The following TAF1L variants were observed in gnomAD, a reference collection of about 807,000 sequenced individuals.
The protein encoded by TAF1L is transcription initiation factor TFIID subunit 1-like.
In TAF1L, 30 loss-of-function variants were observed where a neutral mutation model predicts 128.8. The observed-to-expected ratio is 0.23, with a 90% CI of 0.17 to 0.32. TAF1L has a LOEUF of 0.32. Ranked by LOEUF, TAF1L falls within the 10% of genes least tolerant of loss-of-function variation. TAF1L has a pLI of 1.00. For missense variants in TAF1L, 2,099 were observed against 2,253.7 expected (o/e 0.93, Z 1.39); for synonymous variants, 764 against 790.7 (o/e 0.97, Z 0.57).
rs1822573149 is a variant in TAF1L, at chr9:32,635,522, T to A, written c.58A>T (p.Met20Leu). The A allele has an allele frequency of 6.2e-7, 1 of 1,613,916 alleles. No homozygotes were observed. The highest frequency in any genetic ancestry group is 1.3e-5 in the African/African-American group (1 of 74,838). The change falls in exon 1 of 1, where the codon ATG becomes TTG. Residue 20 changes from methionine to leucine, a missense_variant. Coordinates refer to ENST00000242310, the MANE Select transcript of TAF1L (RefSeq NM_153809.2). Reference protein sequence around the residue: ...RAAATVTAAIMSDSDSEEDSS... With the variant: ...RAAATVTAAILSDSDSEEDSS... ...TCTTCCTCGCTGTCCGAGTCTGACA[T>A]GATGGCGGCAGTGACGGTAGCTGCT... is the stretch of plus-strand genomic sequence containing the variant.
rs1305763889 is a variant in TAF1L, at chr9:32,632,118, T to C, written c.3462A>G (p.Val1154=). The change falls in exon 1 of 1, where the codon GTA becomes GTG. Residue 1154 remains valine, a synonymous_variant. Transcript: ENST00000242310. This position sits in a 1 kb window ranked among gnomAD's most constrained non-coding sequence, Gnocchi z 4.4. ...ERKELRRMLL[V]AGSAASGNNH... is the part of the protein sequence containing the mutation. ...TGTTTCCTGATGCTGCTGAGCCTGC[T>C]ACCAGTAGCATTCGCCGTAGTTCCT... 3.7e-6 allele frequency: 6 copies of C among 1,614,094 alleles called. No homozygotes were observed. The highest frequency in any genetic ancestry group is 5.1e-6 in the Non-Finnish European group (6 of 1,180,040).
Position 32,629,785 on chromosome 9 carries a change from G to T in TAF1L, c.*314C>A. Reference sequence around the variant, plus strand: ...CAATTCTCCTGCTTCAGCCTCCCGAGTATCTGGGGATTACAGGCGTGCACC... The same window carrying T: ...CAATTCTCCTGCTTCAGCCTCCCGATTATCTGGGGATTACAGGCGTGCACC... On this transcript the variant is annotated 3_prime_UTR_variant, in exon 1 of 1. Coordinates refer to ENST00000242310, the MANE Select transcript of TAF1L (RefSeq NM_153809.2). The T allele has an allele frequency of 2.1e-6, 1 of 479,942 alleles. No individual in the cohort carries two copies. The highest frequency in any genetic ancestry group is 3.7e-6 in the Non-Finnish European group (1 of 270,984). The allele number at this position is 479,942 out of a possible 1,614,324, so 29.7% of individuals were successfully genotyped here.
At position 32,634,469 on chromosome 9, in the gene TAF1L, T is replaced by C. The variant is rs17219559; in HGVS notation, c.1111A>G (p.Met371Val). The C allele has an allele frequency of 0.083, 134,051 of 1,614,190 alleles. 6,441 individuals are homozygous for C. Among genetic ancestry groups the C allele is most frequent in the Middle Eastern group, 0.14 (829 of 6,062 alleles). ...CTGCCATCTTCGGAGACACCCAGCA[T>C]ATCATACCACAGTCGGGCAGGCCCA... ...RYGPARLWYD[M>V]LGVSEDGSGF... is the part of the protein sequence containing the mutation. Residue 371 changes from methionine to valine, a missense_variant, in exon 1 of 1, where the codon ATG becomes GTG. This residue lies in a region of TAF1L where 1,213 missense variants were observed against 1,391.4 expected (regional missense o/e 0.87). Coordinates refer to ENST00000242310, the MANE Select transcript of TAF1L (RefSeq NM_153809.2).
chr9:32,635,041 C>A lies in TAF1L; in HGVS notation c.539G>T (p.Ser180Ile). ...GGAGGGCAAGATGATGTCTTCTCCACTTTCAGACACACAGGTAATAGCATC... is the reference window on the plus strand; with the variant it reads ...GGAGGGCAAGATGATGTCTTCTCCAATTTCAGACACACAGGTAATAGCATC... ...DQDAITCVSE[S>I]GEDIILPSII... The change falls in exon 1 of 1, where the codon AGT (serine) becomes ATT (isoleucine). Residue 180 changes from serine (S) to isoleucine (I), a missense_variant. Ser to Ile is a moderately radical substitution (Grantham distance 142). Around this residue, in one of 4 missense-constraint regions of TAF1L, gnomAD observed 473 missense variants for 429.6 expected, o/e 1.10. Transcript: ENST00000242310. 1 of 1,614,156 alleles carries A rather than the reference C, an allele frequency of 6.2e-7. No individual in the cohort carries two copies. Among genetic ancestry groups the A allele is most frequent in the Non-Finnish European group, 8.5e-7 (1 of 1,180,036 alleles).
At position 32,633,582 on chromosome 9, in the gene TAF1L, G is replaced by C; in HGVS notation, c.1998C>G (p.Ala666=). ...CTTGCCTCTCTTGTTCTCTCATCTT[G>C]GCCTTTTTTTTGATGTGCTTTAGCA... The part of the protein sequence containing the change: ...QPLLKHIKKK[A]KMREQERQAS... The change falls in exon 1 of 1, where the codon GCC becomes GCG. Residue 666 remains alanine (A), a synonymous_variant. Transcript: ENST00000242310. 1 of 1,614,096 alleles carries C rather than the reference G, an allele frequency of 6.2e-7. No individual in the cohort carries two copies. Among genetic ancestry groups the C allele is most frequent in the Non-Finnish European group, 8.5e-7 (1 of 1,180,034 alleles).
chr9:32,631,968 G>A lies in TAF1L; in HGVS notation c.3612C>T (p.Val1204=), dbSNP rs45559233. Reference sequence around the variant, plus strand: ...AGGCATCAATGACAGCTGGTTTTCGGACTGTCTCACAGCGAACATACTCTT... The same window carrying A: ...AGGCATCAATGACAGCTGGTTTTCGAACTGTCTCACAGCGAACATACTCTT... ...EGKEYVRCET[V]RKPAVIDAYV... is the part of the protein sequence containing the mutation. Residue 1204 remains valine, a synonymous_variant, in exon 1 of 1, where the codon GTC becomes GTT. Transcript: ENST00000242310. This position sits in a 1 kb window ranked among gnomAD's most constrained non-coding sequence, Gnocchi z 4.1. 0.07 allele frequency: 112,623 copies of A among 1,613,988 alleles called. 4,934 individuals are homozygous for A. Among genetic ancestry groups the A allele is most frequent in the African/African-American group, 0.2 (14,710 of 74,940 alleles).
Position 32,631,009 on chromosome 9 carries a change from A to T in TAF1L, c.4571T>A (p.Val1524Glu). The T allele has an allele frequency of 6.2e-7, 1 of 1,614,218 alleles. No homozygotes were observed. The highest frequency in any genetic ancestry group is 1.1e-5 in the South Asian group (1 of 91,084). Residue 1524 changes from valine (V) to glutamate (E), a missense_variant, in exon 1 of 1, where the codon GTG (valine) becomes GAG (glutamate). Around this residue, in one of 4 missense-constraint regions of TAF1L, gnomAD observed 404 missense variants for 406.5 expected, o/e 0.99. Transcript: ENST00000242310. This position sits in a 1 kb window ranked among gnomAD's most constrained non-coding sequence, Gnocchi z 4.1. ...GTTGTCCAGAATGAAAGAAAATGCCACTTGGTCATCATCATCCAGCAAGGG... is the reference window on the plus strand; with the variant it reads ...GTTGTCCAGAATGAAAGAAAATGCCTCTTGGTCATCATCATCCAGCAAGGG... ...INPLLDDDDQ[V>E]AFSFILDNIV...
At position 32,632,716 on chromosome 9, in the gene TAF1L, C is replaced by T. The variant is rs145015801; in HGVS notation, c.2864G>A (p.Arg955Lys). The change falls in exon 1 of 1, where the codon AGG becomes AAG. Residue 955 changes from arginine (R) to lysine (K), a missense_variant. Around this residue, in one of 4 missense-constraint regions of TAF1L, gnomAD observed 1,213 missense variants for 1,391.4 expected, o/e 0.87. Coordinates refer to ENST00000242310, the MANE Select transcript of TAF1L (RefSeq NM_153809.2). This position sits in a 1 kb window ranked among gnomAD's most constrained non-coding sequence, Gnocchi z 4.4. ...EVHAAPWNTT[R>K]AFIAAMKGKC... ...GCCCTTCATGGCAGCAATGAAGGCC[C>T]TTGTGGTGTTCCAAGGAGCAGCGTG... 7.2e-5 allele frequency: 117 copies of T among 1,614,208 alleles called. No homozygotes were observed. In the Admixed American group the frequency reaches 1.9e-3, roughly 26 times the overall value.
Position 32,635,447 on chromosome 9 carries a change from T to C in TAF1L, c.133A>G (p.Ile45Val). The C allele has an allele frequency of 1.2e-6, 2 of 1,614,144 alleles. No individual in the cohort carries two copies. The highest frequency in any genetic ancestry group is 1.7e-6 in the Non-Finnish European group (2 of 1,180,030). The change falls in exon 1 of 1, where the codon ATC becomes GTC. Residue 45 changes from isoleucine (I) to valine (V), a missense_variant. Physicochemically the swap from Ile to Val is conservative, Grantham distance 29 (BLOSUM62 3). Around this residue, in one of 4 missense-constraint regions of TAF1L, gnomAD observed 473 missense variants for 429.6 expected, o/e 1.10. Transcript: ENST00000242310. ...CCCTCCAGCTGCCCCGCTCCACTGA[T>C]GTTGCCGAAAAGGATACCCGCTAAA... is the stretch of plus-strand genomic sequence containing the variant. The part of the protein sequence containing the change: ...FTLAGILFGN[I>V]SGAGQLEGES...
rs752581014 is a variant in TAF1L at position 32,633,442 on chromosome 9, A to G, written c.2138T>C (p.Val713Ala). The G allele has an allele frequency of 6.2e-7, 1 of 1,614,192 alleles. No individual in the cohort carries two copies. The highest frequency in any genetic ancestry group is 8.5e-7 in the Non-Finnish European group (1 of 1,180,036). Residue 713 changes from valine (V) to alanine (A), a missense_variant, in exon 1 of 1, where the codon GTT (valine) becomes GCT (alanine). Around this residue, in one of 4 missense-constraint regions of TAF1L, gnomAD observed 1,213 missense variants for 1,391.4 expected, o/e 0.87. Coordinates refer to ENST00000242310, the MANE Select transcript of TAF1L (RefSeq NM_153809.2). ...SEENGPLMMQ[V>A]GMATKIKNYY... Reference sequence around the variant, plus strand: ...GTTCTTTATCTTGGTTGCCATGCCAACCTGCATCATTAAGGGTCCATTTTC... The same window carrying G: ...GTTCTTTATCTTGGTTGCCATGCCAGCCTGCATCATTAAGGGTCCATTTTC...
In TAF1L at chr9:32,635,013, G is replaced by A. The variant is rs762204455; in HGVS notation, c.567C>T (p.Ile189=). The change falls in exon 1 of 1, where the codon ATC becomes ATT. Residue 189 remains isoleucine, a synonymous_variant. Transcript: ENST00000242310. ...CTGAGGCCAAAAAGGAAGGGGCAAT[G>A]ATGGAGGGCAAGATGATGTCTTCTC... The part of the protein sequence containing the change: ...ESGEDIILPS[I]IAPSFLASEK... The A allele has an allele frequency of 1.1e-5, 17 of 1,614,018 alleles. No homozygotes were observed. Among genetic ancestry groups the A allele is most frequent in the South Asian group, 2.2e-5 (2 of 91,072 alleles).
rs190216087 is a variant in TAF1L at position 32,631,040 on chromosome 9, T to C, written c.4540A>G (p.Ile1514Val). The change falls in exon 1 of 1, where the codon ATC becomes GTC. Residue 1514 changes from isoleucine (I) to valine (V), a missense_variant. Ile to Val is a conservative substitution (Grantham distance 29). This residue lies in a region of TAF1L where 404 missense variants were observed against 406.5 expected (regional missense o/e 0.99). Transcript: ENST00000242310. This position sits in a 1 kb window ranked among gnomAD's most constrained non-coding sequence, Gnocchi z 4.1. ...EDKLARLEKAINPLLDDDDQV... is the reference protein window; with the variant it reads ...EDKLARLEKAVNPLLDDDDQV... ...TCATCATCATCCAGCAAGGGGTTGA[T>C]AGCTTTCTCTAAGCGAGCTAATTTG... 6.8e-5 allele frequency: 109 copies of C among 1,614,242 alleles called. No individual in the cohort carries two copies. Among genetic ancestry groups the C allele is most frequent in the Non-Finnish European group, 8.6e-5 (102 of 1,180,052 alleles).
Position 32,630,373 on chromosome 9 carries a change from G to C in TAF1L, c.5207C>G (p.Ala1736Gly), listed in dbSNP as rs770174132. Residue 1736 changes from alanine (A) to glycine (G), a missense_variant, in exon 1 of 1, where the codon GCC (alanine) becomes GGC (glycine). Coordinates refer to ENST00000242310, the MANE Select transcript of TAF1L (RefSeq NM_153809.2). The stretch of plus-strand genomic sequence containing the variant: ...AAGATCACCATCTCCCCCTTCTGGG[G>C]CTGGAGGCTTAGGTTTCCCATCCTC... ...EEEDGKPKPP[A>G]PEGGDGDLAD... The C allele has an allele frequency of 1.9e-6, 3 of 1,613,990 alleles. No individual in the cohort carries two copies. The highest frequency in any genetic ancestry group is 1.1e-5 in the South Asian group (1 of 91,082).
In TAF1L at chr9:32,632,017, C is replaced by G; in HGVS notation, c.3563G>C (p.Arg1188Pro). Reference protein sequence around the residue: ...SATGHCLKIYRTFRDEEGKEY... With the variant: ...SATGHCLKIYPTFRDEEGKEY... Reference sequence around the variant, plus strand: ...TTTCCCCTCTTCATCTCGAAATGTGCGATAAATCTTGAGACAGTGTCCAGT... The same window carrying G: ...TTTCCCCTCTTCATCTCGAAATGTGGGATAAATCTTGAGACAGTGTCCAGT... The change falls in exon 1 of 1, where the codon CGC (arginine) becomes CCC (proline). Residue 1188 changes from arginine to proline, a missense_variant. Physicochemically the swap from Arg to Pro is moderately radical, Grantham distance 103. Transcript: ENST00000242310. This position sits in a 1 kb window ranked among gnomAD's most constrained non-coding sequence, Gnocchi z 4.4. The G allele has an allele frequency of 6.2e-7, 1 of 1,614,116 alleles. No homozygotes were observed. Among genetic ancestry groups the G allele is most frequent in the Non-Finnish European group, 8.5e-7 (1 of 1,180,024 alleles).
chr9:32,635,131 A>G lies in TAF1L; in HGVS notation c.449T>C (p.Ile150Thr), dbSNP rs762474299. ...EDDYDADCEDIDCKLMPPPPP... is the reference protein window; with the variant it reads ...EDDYDADCEDTDCKLMPPPPP... ...TGGAGGAGGCATCAACTTGCAATCA[A>G]TGTCTTCACAATCAGCATCATAGTC... The change falls in exon 1 of 1, where the codon ATT (isoleucine) becomes ACT (threonine). Residue 150 changes from isoleucine to threonine, a missense_variant. This residue lies in a region of TAF1L where 473 missense variants were observed against 429.6 expected (regional missense o/e 1.10). Coordinates refer to ENST00000242310, the MANE Select transcript of TAF1L (RefSeq NM_153809.2). 1.2e-6 allele frequency: 2 copies of G among 1,614,138 alleles called. No individual in the cohort carries two copies. Among genetic ancestry groups the G allele is most frequent in the South Asian group, 1.1e-5 (1 of 91,074 alleles).
At position 32,632,612 on chromosome 9, in the gene TAF1L, T is replaced by G. The variant is rs1252112124; in HGVS notation, c.2968A>C (p.Lys990Gln). The change falls in exon 1 of 1, where the codon AAA becomes CAA. Residue 990 changes from lysine to glutamine, a missense_variant. Lys to Gln is a moderately conservative substitution (Grantham distance 53). Coordinates refer to ENST00000242310, the MANE Select transcript of TAF1L (RefSeq NM_153809.2). This position sits in a 1 kb window ranked among gnomAD's most constrained non-coding sequence, Gnocchi z 4.4. Reference protein sequence around the residue: ...EGFSYVKIPNKPTQQKDDKEP... With the variant: ...EGFSYVKIPNQPTQQKDDKEP... ...TTATCATCCTTCTGCTGTGTTGGTT[T>G]ATTTGGAATCTTCACATAGGAGAAT... The G allele has an allele frequency of 1.2e-6, 2 of 1,614,232 alleles. No individual in the cohort carries two copies. The highest frequency in any genetic ancestry group is 2.2e-5 in the South Asian group (2 of 91,088).
Position 32,632,518 on chromosome 9 carries a change from T to C in TAF1L, c.3062A>G (p.Asn1021Ser), listed in dbSNP as rs746088854. ...AAATTTACGTAGAAGTTGCTTGGCA[T>C]TTTTCAGGGAAAGGCGACGAAGGTC... ...DADLRRLSLK[N>S]AKQLLRKFGV... Residue 1021 changes from asparagine to serine, a missense_variant, in exon 1 of 1, where the codon AAT becomes AGT. By Grantham distance (46) the Asn-to-Ser change is conservative. This residue lies in a region of TAF1L where 1,213 missense variants were observed against 1,391.4 expected (regional missense o/e 0.87). Coordinates refer to ENST00000242310, the MANE Select transcript of TAF1L (RefSeq NM_153809.2). The surrounding 1 kb of genome is among the most constrained non-coding windows in gnomAD (Gnocchi z 4.4). 19 of 1,614,114 alleles carry C rather than the reference T, an allele frequency of 1.2e-5. No homozygotes were observed. In the East Asian group the frequency reaches 1.6e-4, roughly 13 times the overall value.
In TAF1L at chr9:32,630,253, G is replaced by A. The variant is rs778663929; in HGVS notation, c.5327C>T (p.Ala1776Val). The A allele has an allele frequency of 3.7e-6, 6 of 1,614,042 alleles. No homozygotes were observed. Among genetic ancestry groups the A allele is most frequent in the Non-Finnish European group, 5.1e-6 (6 of 1,180,038 alleles). The change falls in exon 1 of 1, where the codon GCT becomes GTT. Residue 1776 changes from alanine (A) to valine (V), a missense_variant. Physicochemically the swap from Ala to Val is moderately conservative, Grantham distance 64. This residue lies in a region of TAF1L where 404 missense variants were observed against 406.5 expected (regional missense o/e 0.99). Coordinates refer to ENST00000242310, the MANE Select transcript of TAF1L (RefSeq NM_153809.2). Reference sequence around the variant, plus strand: ...ATTGTCTCCTTCTTCGTCACTCCCAGCATCTTCCTCATCATCTTCTCCTTC... The same window carrying A: ...ATTGTCTCCTTCTTCGTCACTCCCAACATCTTCCTCATCATCTTCTCCTTC... ...ISEGEDDEEDAGSDEEGDNPF... is the reference protein window; with the variant it reads ...ISEGEDDEEDVGSDEEGDNPF...
In TAF1L at chr9:32,635,354, G is replaced by A. The variant is rs751504623; in HGVS notation, c.226C>T (p.Leu76=). ...TCATTTGCCGTGAGTTCAGTGATTA[G>A]GCTGCCCAGCCCCAAAGCCCCCAAG... ...AGLGALGLGS[L]ITELTANEEL... The change falls in exon 1 of 1, where the codon CTA becomes TTA. Residue 76 remains leucine (L), a synonymous_variant. Transcript: ENST00000242310. 2.5e-6 allele frequency: 4 copies of A among 1,614,114 alleles called. No individual in the cohort carries two copies. Among genetic ancestry groups the A allele is most frequent in the Non-Finnish European group, 3.4e-6 (4 of 1,180,020 alleles).
Sources: gnomAD v4.1 joint callset for allele counts on GRCh38, gnomAD v4.1.1 for gene constraint, gnomAD v4.1.1 regional missense constraint, Gnocchi (gnomAD v3.1) non-coding constraint, MANE v1.5 for transcripts, NCBI Gene and HGNC (gene_info 2026-07-23, HGNC 2026-07-21) for gene names.